The following VWA8 variants were observed in gnomAD, a reference collection of about 807,000 sequenced individuals.
The protein encoded by VWA8 is von Willebrand factor A domain containing 8.
Under a neutral mutation model 241.5 loss-of-function variants are expected in VWA8, and 221 were observed. That is an observed-to-expected ratio of 0.91 (90% CI 0.82 to 1.02). The LOEUF is 1.02. VWA8 is among the 50% of genes least tolerant of loss of function. VWA8 has a pLI of 0.00. For missense variants in VWA8, 2,322 were observed against 2,328.7 expected, an observed-to-expected ratio of 1.00 and a Z score of 0.06; for synonymous variants, 852 against 827.1, an observed-to-expected ratio of 1.03 and a Z score of -0.52.
chr13:41,680,647 A>T (rs541157772), intron 35 of VWA8, among the ~76,000 whole-genome samples: 5 of 152,220 alleles, frequency 3.3e-5, no homozygotes, highest in Non-Finnish European at 5.9e-5. Context: ...ATGTGAAACC[A>T]CAATAAAAGG....
chr13:41,927,541 C>CA (rs1034012137), intron 2 of VWA8, among the ~76,000 whole-genome samples: 2,174 of 137,176 alleles, frequency 0.016, 40 homozygotes, highest in African/African-American at 0.048. Context: ...TGTCTCCTCT[C>CA]AAAAAAAAAA....
At chr13:41,705,662 AT>A (rs1350071222) in intron 26 of VWA8, among the ~76,000 whole-genome samples, 2 of 151,854 alleles carry the variant, frequency 1.3e-5, no homozygotes, top group East Asian at 1.9e-4. Context: ...CTAAGTATTA[AT>A]TTTTTTTCTT....
In VWA8 at chr13:41,614,996, T is replaced by G. The variant is rs1305078110; in HGVS notation, c.4700A>C (p.Asn1567Thr). The G allele has an allele frequency of 6.2e-7, 1 of 1,613,536 alleles. No homozygotes were observed. The highest frequency in any genetic ancestry group is 8.5e-7 in the Non-Finnish European group (1 of 1,179,952). ...DPDNMPHVGG[N>T]TWAGGTGGRD... ...CCAACCTGTTCCGCCAGCCCAAGTG[T>G]TGCCGCCCACGTGAGGCATGTTGTC... is the stretch of plus-strand genomic sequence containing the variant. Residue 1567 changes from asparagine to threonine, a missense_variant, in exon 38 of 45, where the codon AAC becomes ACC. Transcript: ENST00000379310.
chr13:41,889,285 G>A (rs940593669), intron 5 of VWA8, among the ~76,000 whole-genome samples: 4 of 152,008 alleles, frequency 2.6e-5, no homozygotes, highest in Admixed American at 6.6e-5. Flanking sequence ...AACATTTACC[G>A]ATAAAAACTT....
Position 41,691,440 on chromosome 13 carries a change from C to T in VWA8, c.3746G>A (p.Ser1249Asn). 2 of 1,611,952 alleles carry T rather than the reference C, an allele frequency of 1.2e-6. No homozygotes were observed. The highest frequency in any genetic ancestry group is 2.2e-5 in the East Asian group (1 of 44,818). The change falls in exon 32 of 45, where the codon AGC becomes AAC. Residue 1249 changes from serine (S) to asparagine (N), a missense_variant. Coordinates refer to ENST00000379310, the MANE Select transcript of VWA8 (RefSeq NM_015058.2). ...WLVFYKEKGN[S>N]LTVLDVLEGR... ...TTCTAGAACATCCAGCACAGTCAGG[C>T]TGTTCCTGGAAAAGAAGAAAACTGT...
intron 17 of VWA8, among the ~76,000 whole-genome samples, chr13:41,789,410 G>C (rs1057326947): frequency 6.6e-6 from 1 of 152,020 alleles, no homozygotes; most frequent in Non-Finnish European, 1.5e-5. Context: ...TAACTATTAT[G>C]AACAGCCTGG....
intron 37 of VWA8, among the ~76,000 whole-genome samples, chr13:41,634,322 T>C (rs1256875979): frequency 2.0e-5 from 3 of 152,176 alleles, no homozygotes; most frequent in Non-Finnish European, 4.4e-5. Flanking sequence ...CTCCCTCTAC[T>C]TTATGATTGC....
At chr13:41,726,174 C>T (rs1320502088) in intron 24 of VWA8, among the ~76,000 whole-genome samples, 3 of 151,718 alleles carry the variant, frequency 2.0e-5, no homozygotes, top group African/African-American at 4.8e-5. Flanking sequence ...TTTTTTTAAA[C>T]AACTGCATAG....
At chr13:41,660,414 C>G (rs2044941445) in intron 37 of VWA8, among the ~76,000 whole-genome samples, 1 of 152,170 alleles carries the variant, frequency 6.6e-6, no homozygotes, top group African/African-American at 2.4e-5. Flanking sequence ...CCGTGCCTGG[C>G]CAGATGATCA....
chr13:41,806,107 G>A (rs1433448357), intron 17 of VWA8, among the ~76,000 whole-genome samples: 1 of 151,606 alleles, frequency 6.6e-6, no homozygotes, highest in Non-Finnish European at 1.5e-5. Flanking sequence ...CAAATACATG[G>A]AAACTAAACA....
chr13:41,867,241 T>C (rs537857449), intron 10 of VWA8, among the ~76,000 whole-genome samples: 97 of 152,220 alleles, frequency 6.4e-4, no homozygotes, highest in Non-Finnish European at 1.2e-3. Flanking sequence ...TATATTATTC[T>C]TGCAGGCTTA....
At chr13:41,601,665 A>T (rs191975972) in intron 40 of VWA8, among the ~76,000 whole-genome samples, 59 of 152,286 alleles carry the variant, frequency 3.9e-4, no homozygotes, top group African/African-American at 1.4e-3. Context: ...TTATGGACTG[A>T]TGAGAAGATT....
At chr13:41,930,829 A>G (rs1175606065) in intron 2 of VWA8, among the ~76,000 whole-genome samples, 1 of 152,144 alleles carries the variant, frequency 6.6e-6, no homozygotes, top group Admixed American at 6.5e-5. Flanking sequence ...CAAGCATTTC[A>G]GATAAGGGAT....
chr13:41,751,378 G>A (rs951282778), intron 21 of VWA8, among the ~76,000 whole-genome samples: 2 of 152,112 alleles, frequency 1.3e-5, no homozygotes, highest in South Asian at 2.1e-4. Flanking sequence ...GAAAGAGGGA[G>A]CAGCCTGGCT....
rs1874512063 is a variant in VWA8 at position 41,885,959 on chromosome 13, G to C, written c.936C>G (p.Asp312Glu). The change falls in exon 8 of 45, where the codon GAC becomes GAG. Residue 312 changes from aspartate to glutamate, a missense_variant. By Grantham distance (45) the Asp-to-Glu change is conservative. Coordinates refer to ENST00000379310, the MANE Select transcript of VWA8 (RefSeq NM_015058.2). ...SQESSTLGLP[D>E]FPLDSLAAAV... ...CAGCTGCTAAACTATCTAAAGGAAAGTCTGGAAGTCCAAGAGTAGAAGATT... is the reference window on the plus strand; with the variant it reads ...CAGCTGCTAAACTATCTAAAGGAAACTCTGGAAGTCCAAGAGTAGAAGATT... 1 of 1,606,098 alleles carries C rather than the reference G, an allele frequency of 6.2e-7. No individual in the cohort carries two copies. The highest frequency in any genetic ancestry group is 1.1e-5 in the South Asian group (1 of 88,598).
In VWA8 at chr13:41,703,422, T is replaced by A. The variant is rs1237758345; in HGVS notation, c.3117-11A>T. 2 of 1,611,954 alleles carry A rather than the reference T, an allele frequency of 1.2e-6. No homozygotes were observed. The highest frequency in any genetic ancestry group is 1.7e-6 in the Non-Finnish European group (2 of 1,178,506). ...TCTGGCAGAGTCAACCTGTTAAGGA[T>A]GATTTGCAAAGTAAATATTTCTTAT... On this transcript the variant is annotated splice_polypyrimidine_tract_variant and intron_variant, in intron 26 of 44. Coordinates refer to ENST00000379310, the MANE Select transcript of VWA8 (RefSeq NM_015058.2).
rs1308386085 is a variant in VWA8 at position 41,701,413 on chromosome 13, A to C, written c.3343T>G (p.Cys1115Gly). 6.2e-7 allele frequency: 1 copy of C among 1,606,702 alleles called. No homozygotes were observed. The highest frequency in any genetic ancestry group is 8.5e-7 in the Non-Finnish European group (1 of 1,177,592). The stretch of plus-strand genomic sequence containing the variant: ...ATACCATGTGATGTAGCAATGTCAC[A>C]GATTATATTAATTTCATCCAATGGT... ...RIPLDEINII[C>G]DIATSHENEQ... Residue 1115 changes from cysteine (C) to glycine (G), a missense_variant, in exon 28 of 45, where the codon TGT becomes GGT. Physicochemically the swap from Cys to Gly is radical, Grantham distance 159. Transcript: ENST00000379310.
chr13:41,857,119 A>C (rs1202568567), intron 12 of VWA8, among the ~76,000 whole-genome samples: 1 of 152,178 alleles, frequency 6.6e-6, no homozygotes, highest in African/African-American at 2.4e-5. Flanking sequence ...ACGGATAACA[A>C]AGTTTCTGGC....
intron 4 of VWA8, 142 bp from the exon 5 acceptor site, chr13:41,891,729 G>T: frequency 3.4e-6 from 3 of 876,902 alleles, no homozygotes; most frequent in Non-Finnish European, 5.1e-6. Flanking sequence ...ATCTTGTTTT[G>T]CTTTTTCTGC....
Sources: gnomAD v4.1 joint callset for allele counts (sites outside exome capture counted in the v4.1 genomes callset) on GRCh38, gnomAD v4.1.1 for gene constraint, MANE v1.5 for transcripts, NCBI Gene and HGNC (gene_info 2026-07-23, HGNC 2026-07-21) for gene names.